Variants in CALN1 observed in about 807,000 individuals in gnomAD.
CALN1 encodes calcium-binding protein 8.
A neutral mutation model predicts 30.6 loss-of-function variants in CALN1; 17 were observed. That is an observed-to-expected ratio of 0.56 (90% CI 0.38 to 0.83). CALN1 has a LOEUF of 0.83. Among genes scored for constraint, CALN1 ranks in the 40% least tolerant of loss-of-function variants. The pLI is 0.00. For synonymous variants in CALN1, 156 were observed against 131.4 expected (o/e 1.19, Z -1.28); for missense variants, 291 against 354.9 (o/e 0.82, Z 1.45).
At chr7:72,144,213 G>GCTGT (rs1488074176) in intron 3 of CALN1, among the ~76,000 whole-genome samples, 1 of 152,154 alleles carries the variant, frequency 6.6e-6, no homozygotes, top group Non-Finnish European at 1.5e-5. Flanking sequence ...CCATCAGTGT[G>GCTGT]CTGTATTCAG....
intron 2 of CALN1, among the ~76,000 whole-genome samples, chr7:72,284,222 G>C (rs1354354602): frequency 2.6e-5 from 4 of 152,106 alleles, no homozygotes; most frequent in Non-Finnish European, 4.4e-5. Flanking sequence ...TTGAGCCCAG[G>C]AGTTTGAGGC....
chr7:72,341,994 G>A (rs191017015), intron 2 of CALN1, among the ~76,000 whole-genome samples: 137 of 152,166 alleles, frequency 9.0e-4, no homozygotes, highest in African/African-American at 3.2e-3. Context: ...GCTCACACTT[G>A]TAATACCGAT....
At chr7:72,443,673 C>A (rs1410463714) in intron 1 of CALN1, among the ~76,000 whole-genome samples, 1 of 151,854 alleles carries the variant, frequency 6.6e-6, no homozygotes, top group Admixed American at 6.6e-5. Flanking sequence ...CCAGGATCCA[C>A]TAGACTCATG....
intron 5 of CALN1, among the ~76,000 whole-genome samples, chr7:71,865,395 C>T (rs912416247): frequency 2.0e-5 from 3 of 152,222 alleles, no homozygotes; most frequent in Admixed American, 1.3e-4. Context: ...CATGACTGTA[C>T]GTTTCCTGGG....
chr7:71,807,087 G>A (rs560883704), intron 6 of CALN1, among the ~76,000 whole-genome samples: 1 of 152,222 alleles, frequency 6.6e-6, no homozygotes, highest in Non-Finnish European at 1.5e-5. Context: ...TGACAGTTTG[G>A]GAGAGATGGG....
chr7:72,315,854 C>G (rs938898988), intron 2 of CALN1, among the ~76,000 whole-genome samples: 3 of 152,026 alleles, frequency 2.0e-5, no homozygotes, highest in Non-Finnish European at 4.4e-5. Context: ...AATTCCTCTT[C>G]TAAGAATTTC....
In CALN1 at chr7:72,106,301, T is replaced by C. The variant is rs749903832; in HGVS notation, c.245-7A>G. On this transcript the variant is annotated splice_polypyrimidine_tract_variant and splice_region_variant and intron_variant, in intron 3 of 6. Transcript: ENST00000395275. Reference sequence around the variant, plus strand: ...CGAAAGGCCTCTCGGATTTCTACAATGGAAAAGCAAAGAAAGTCCAGTGGT... The same window carrying C: ...CGAAAGGCCTCTCGGATTTCTACAACGGAAAAGCAAAGAAAGTCCAGTGGT... 11 of 1,613,850 alleles carry C rather than the reference T, an allele frequency of 6.8e-6. No individual in the cohort carries two copies. In the East Asian group the frequency reaches 8.9e-5, roughly 13 times the overall value.
At chr7:72,310,005 C>A (rs1799933608) in intron 2 of CALN1, among the ~76,000 whole-genome samples, 1 of 152,110 alleles carries the variant, frequency 6.6e-6, no homozygotes, top group Non-Finnish European at 1.5e-5. Context: ...GCCAGCATCC[C>A]CCAGGGATGC....
intron 5 of CALN1, among the ~76,000 whole-genome samples, chr7:72,013,098 G>A (rs1037873094): frequency 1.3e-5 from 2 of 151,924 alleles, no homozygotes; most frequent in African/African-American, 2.4e-5. Context: ...GTACCCGGCC[G>A]GCTTTTATAC....
At position 72,045,624 on chromosome 7, in the gene CALN1, G is replaced by A. The variant is rs200649993; in HGVS notation, c.389-21855C>T. ...GCTGACTGCAGCTTCCAATTCCAAG[G>A]CTAAGGCAATTCTCCTGCCTCAGCC... On this transcript the variant is annotated intron_variant, in intron 4 of 6. Coordinates refer to ENST00000395275, the MANE Select transcript of CALN1 (RefSeq NM_031468.4). 2.0e-4 allele frequency among the ~76,000 whole-genome samples: 30 copies of A among 152,194 alleles called. No homozygotes were observed. The East Asian group carries it at 4.6e-3, about 24-fold the overall frequency.
At chr7:72,405,665 T>G (rs1340877042) in intron 1 of CALN1, among the ~76,000 whole-genome samples, 4 of 151,922 alleles carry the variant, frequency 2.6e-5, no homozygotes, top group East Asian at 1.9e-4. Context: ...ACTTCTCTAG[T>G]TAGCTCGTTA....
intron 2 of CALN1, among the ~76,000 whole-genome samples, chr7:72,311,600 C>T (rs1019262589): frequency 8.6e-5 from 13 of 151,652 alleles, no homozygotes; most frequent in Non-Finnish European, 1.6e-4. Context: ...CCACCTCAGC[C>T]TCCCAAGTAG....
chr7:72,314,325 T>C (rs1325657728), intron 2 of CALN1, among the ~76,000 whole-genome samples: 2 of 151,272 alleles, frequency 1.3e-5, no homozygotes, highest in Non-Finnish European at 2.9e-5. Flanking sequence ...CTATGTGCAA[T>C]ACACTATGTT....
intron 5 of CALN1, among the ~76,000 whole-genome samples, chr7:71,927,711 T>C (rs1479293175): frequency 6.6e-6 from 1 of 152,200 alleles, no homozygotes; most frequent in Non-Finnish European, 1.5e-5. Context: ...AGTAGTGGTG[T>C]ATAGGAGAAG....
intron 5 of CALN1, among the ~76,000 whole-genome samples, chr7:71,912,762 A>T (rs1794490068): frequency 6.6e-6 from 1 of 152,174 alleles, no homozygotes; most frequent in Non-Finnish European, 1.5e-5. Flanking sequence ...TATTCTCCAG[A>T]TCCCAAGAAT....
At chr7:72,062,813 T>C (rs961237971) in intron 4 of CALN1, among the ~76,000 whole-genome samples, 8 of 152,116 alleles carry the variant, frequency 5.3e-5, no homozygotes, top group Admixed American at 2.0e-4. Context: ...ATTAAAGAAA[T>C]TGCATTCACA....
At chr7:72,362,856 T>C (rs1234885417) in intron 2 of CALN1, among the ~76,000 whole-genome samples, 1 of 152,144 alleles carries the variant, frequency 6.6e-6, no homozygotes, top group Non-Finnish European at 1.5e-5. Context: ...CCCGAGCAGC[T>C]CATATACATT....
At chr7:72,116,879 T>C (rs1315915007) in intron 3 of CALN1, among the ~76,000 whole-genome samples, 2 of 152,116 alleles carry the variant, frequency 1.3e-5, no homozygotes. Context: ...GTGCCCGAGG[T>C]AGTCAAGTTA....
intron 5 of CALN1, among the ~76,000 whole-genome samples, chr7:71,838,334 C>G (rs1349401274): frequency 1.3e-5 from 2 of 152,230 alleles, no homozygotes; most frequent in African/African-American, 4.8e-5. Flanking sequence ...AATCTTTTCT[C>G]ATGGACTATT....
Sources: allele counts gnomAD v4.1 joint callset (sites outside exome capture counted in the v4.1 genomes callset), GRCh38; gene constraint gnomAD v4.1.1; transcripts MANE v1.5; gene names NCBI Gene and HGNC (gene_info 2026-07-23, HGNC 2026-07-21).